TOX: variants seen among roughly 807,000 people sequenced by gnomAD.
TOX encodes the protein thymocyte selection associated high mobility group box, also known as thymocyte selection-associated high mobility group box protein TOX.
In TOX, 11 loss-of-function variants were observed where a neutral mutation model predicts 53.7. The ratio of observed to expected loss-of-function variants is 0.20; its 90% CI spans 0.13 to 0.34. The LOEUF (loss-of-function observed/expected upper bound fraction) is 0.34. Among genes scored for constraint, TOX ranks in the 10% least tolerant of loss-of-function variants. The pLI, the probability that TOX is intolerant of heterozygous loss-of-function variation, is 1.00. For missense variants in TOX, 570 were observed against 664.6 expected (o/e 0.86, Z 1.56); for synonymous variants, 225 against 245.3 (o/e 0.92, Z 0.77).
intron 1 of TOX, among the ~76,000 whole-genome samples, chr8:59,101,169 A>G (rs1804801650): frequency 6.6e-6 from 1 of 152,232 alleles, no homozygotes. Context: ...TATTTAGGTC[A>G]AATATTAAAG....
At position 58,890,242 on chromosome 8, in the gene TOX, A is replaced by G. The variant is rs114824057; in HGVS notation, c.412-38437T>C. ...CAAAGAGGAATCCAATGTAGTTATC[A>G]TATTCACAGGACTTAAGACATGCAT... On this transcript the variant is annotated intron_variant, in intron 3 of 8. Coordinates refer to ENST00000361421, the MANE Select transcript of TOX (RefSeq NM_014729.3). Among the ~76,000 whole-genome samples the G allele has an allele frequency of 3.8e-3, 519 of 136,748 alleles. 2 individuals are homozygous for G. Among genetic ancestry groups the G allele is most frequent in the African/African-American group, 0.012 (501 of 40,794 alleles). 89.7% of individuals were successfully genotyped at this position (136,748 alleles called of 152,430 possible).
intron 3 of TOX, among the ~76,000 whole-genome samples, chr8:58,898,155 A>G (rs551963458): frequency 2.0e-5 from 3 of 152,322 alleles, no homozygotes; most frequent in South Asian, 2.1e-4. Context: ...AGAGTTTTCA[A>G]TTTGGCTCCC....
intron 1 of TOX, among the ~76,000 whole-genome samples, chr8:58,968,423 G>T (rs770157527): frequency 6.6e-6 from 1 of 152,078 alleles, no homozygotes; most frequent in Non-Finnish European, 1.5e-5. Context: ...TTGAAATTCA[G>T]CACAGTTTCA....
intron 4 of TOX, among the ~76,000 whole-genome samples, chr8:58,846,664 C>G (rs1810724256): frequency 1.3e-5 from 2 of 152,126 alleles, no homozygotes; most frequent in Non-Finnish European, 2.9e-5. Flanking sequence ...TAGTAACAAA[C>G]TCTTAAAGGC....
intron 6 of TOX, among the ~76,000 whole-genome samples, chr8:58,824,372 G>A (rs371458240): frequency 6.6e-6 from 1 of 152,308 alleles, no homozygotes; most frequent in South Asian, 2.1e-4. Flanking sequence ...TACTGAGAAT[G>A]AACCCAGTGC....
At chr8:58,879,518 A>G (rs1811346436) in intron 3 of TOX, among the ~76,000 whole-genome samples, 2 of 124,472 alleles carry the variant, frequency 1.6e-5, no homozygotes, top group African/African-American at 8.3e-5. Flanking sequence ...TGTGAAGTAA[A>G]AACATATTTT....
intron 3 of TOX, among the ~76,000 whole-genome samples, chr8:58,893,158 G>T (rs7821135): frequency 0.015 from 2,312 of 152,046 alleles, 53 homozygotes; most frequent in African/African-American, 0.053. Context: ...TTATAATTTT[G>T]CATGGGAATC....
chr8:59,007,700 G>A (rs1251598728), intron 1 of TOX, among the ~76,000 whole-genome samples: 1 of 152,114 alleles, frequency 6.6e-6, no homozygotes. Context: ...ATAAATAAAA[G>A]TAGTGTTTGG....
chr8:59,056,348 C>T (rs147160743), intron 1 of TOX, among the ~76,000 whole-genome samples: 3 of 134,870 alleles, frequency 2.2e-5, no homozygotes, highest in Non-Finnish European at 4.6e-5. Context: ...TGGTGGATCA[C>T]TTGAGCCCAG....
At chr8:58,998,526 TATATATATATATAA>T (rs1466945398) in intron 1 of TOX, among the ~76,000 whole-genome samples, 6 of 14,720 alleles carry the variant, frequency 4.1e-4, no homozygotes, top group African/African-American at 1.1e-3. Flanking sequence ...TATATATATA[TATATATATATATAA>T]ATTTATATAT....
chr8:58,823,668 T>A (rs17292859), intron 6 of TOX, among the ~76,000 whole-genome samples: 2 of 152,162 alleles, frequency 1.3e-5, no homozygotes, highest in Non-Finnish European at 2.9e-5. Context: ...AAAGGATCAC[T>A]TCAGGCCTTT....
intron 1 of TOX, among the ~76,000 whole-genome samples, chr8:59,077,569 C>A (rs375271545): frequency 1.8e-3 from 270 of 152,300 alleles, no homozygotes; most frequent in African/African-American, 6.3e-3. Flanking sequence ...TCTACACATG[C>A]AGCCCCCTTC....
intron 3 of TOX, among the ~76,000 whole-genome samples, chr8:58,899,776 A>G (rs1563383360): frequency 6.6e-6 from 1 of 152,172 alleles, no homozygotes; most frequent in Non-Finnish European, 1.5e-5. Context: ...GGGATATTCA[A>G]CATGAACCAC....
intron 4 of TOX, among the ~76,000 whole-genome samples, chr8:58,840,421 C>T (rs1349132703): frequency 4.6e-5 from 7 of 152,106 alleles, no homozygotes; most frequent in Non-Finnish European, 1.0e-4. Context: ...GCTTGATATT[C>T]GACAAACTGG....
At chr8:59,042,005 T>C (rs904809822) in intron 1 of TOX, among the ~76,000 whole-genome samples, 4 of 152,208 alleles carry the variant, frequency 2.6e-5, no homozygotes, top group Non-Finnish European at 4.4e-5. Context: ...CAAATGCAAC[T>C]GAAAAGAAAA....
chr8:58,832,913 T>C (rs1810486500), intron 5 of TOX, among the ~76,000 whole-genome samples: 1 of 152,212 alleles, frequency 6.6e-6, no homozygotes, highest in Non-Finnish European at 1.5e-5. Context: ...GAATTATGCA[T>C]CCTGAAAGAA....
chr8:59,033,164 A>G (rs1814391387), intron 1 of TOX, among the ~76,000 whole-genome samples: 1 of 152,136 alleles, frequency 6.6e-6, no homozygotes, highest in African/African-American at 2.4e-5. Flanking sequence ...CTATGCCCAT[A>G]CTCCTCTTAA....
Position 58,851,830 on chromosome 8 carries a change from A to G in TOX, c.412-25T>C. 7.8e-7 allele frequency: 1 copy of G among 1,276,230 alleles called. No homozygotes were observed. Among genetic ancestry groups the G allele is most frequent in the South Asian group, 2.9e-5 (1 of 34,164 alleles). 79.1% of individuals were successfully genotyped at this position (1,276,230 alleles called of 1,614,324 possible). A position where few individuals can be genotyped will look rare whatever the true frequency, so the allele number is the denominator to read the frequency against. On this transcript the variant is annotated intron_variant, in intron 3 of 8. Coordinates refer to ENST00000361421, the MANE Select transcript of TOX (RefSeq NM_014729.3). This position sits in a 1 kb window ranked among gnomAD's most constrained non-coding sequence, Gnocchi z 4.4. Reference sequence around the variant, plus strand: ...TCTACAATAAATAAATAAATAAATAAATAAATAAATAAATAAATAGGAAAG... The same window carrying G: ...TCTACAATAAATAAATAAATAAATAGATAAATAAATAAATAAATAGGAAAG...
intron 1 of TOX, among the ~76,000 whole-genome samples, chr8:59,089,210 T>C (rs10101210): frequency 0.048 from 7,256 of 152,304 alleles, 560 homozygotes; most frequent in African/African-American, 0.16. Flanking sequence ...TTTTAGGATG[T>C]AGCTTACGTG....
Sources: gnomAD v4.1 joint callset for allele counts (sites outside exome capture counted in the v4.1 genomes callset) on GRCh38, gnomAD v4.1.1 for gene constraint, Gnocchi (gnomAD v3.1) non-coding constraint, MANE v1.5 for transcripts, NCBI Gene and HGNC (gene_info 2026-07-23, HGNC 2026-07-21) for gene names.